JCAD: variants seen among roughly 807,000 people sequenced by gnomAD.
JCAD encodes junctional cadherin 5 associated, also known as junctional cadherin 5-associated protein.
A neutral mutation model predicts 98.0 loss-of-function variants in JCAD; 40 were observed. That is an observed-to-expected ratio of 0.41 (90% CI 0.32 to 0.53). The LOEUF (loss-of-function observed/expected upper bound fraction) is 0.53. Among genes scored for constraint, JCAD ranks in the 20% least tolerant of loss-of-function variants. The pLI is 0.31. For synonymous variants in JCAD, 691 were observed against 682.3 expected (o/e 1.01, Z -0.20); for missense variants, 1,705 against 1,738.1 (o/e 0.98, Z 0.34).
intron 2 of JCAD, chr10:30,044,705 G>C (rs1467856860): frequency 3.0e-6 from 1 of 338,668 alleles, no homozygotes; most frequent in Non-Finnish European, 4.0e-6. Context: ...AATTTAAGCT[G>C]TTAACTATTG....
At position 30,098,195 on chromosome 10, in the gene JCAD, C is replaced by T. The variant is rs1017804599; in HGVS notation, n.128+17172G>A. Among the ~76,000 whole-genome samples, 6 of 152,282 alleles carry T rather than the reference C, an allele frequency of 3.9e-5. No homozygotes were observed. In the East Asian group the frequency reaches 9.7e-4, roughly 24 times the overall value. On this transcript the variant is annotated intron_variant and non_coding_transcript_variant, in intron 1 of 2. Coordinates refer to the JCAD transcript ENST00000465712. ...GTAGCTTTGCCCACAGCTCCTGCCTCAGTTTATATGACTTCTCCTGACTCT... is the reference window on the plus strand; with the variant it reads ...GTAGCTTTGCCCACAGCTCCTGCCTTAGTTTATATGACTTCTCCTGACTCT...
Position 30,028,932 on chromosome 10 carries a change from C to G in JCAD, c.1216G>C (p.Gly406Arg), listed in dbSNP as rs201039842. 447 of 1,613,990 alleles carry G rather than the reference C, an allele frequency of 2.8e-4. 3 individuals are homozygous for G. The African/African-American group carries it at 5.6e-3, about 20-fold the overall frequency. Reference protein sequence around the residue: ...EYGVSPRLPQGLPAHPRPVTA... With the variant: ...EYGVSPRLPQRLPAHPRPVTA... ...ACAGGTCGGGGATGTGCGGGGAGCC[C>G]CTGAGGCAAGCGGGGGCTCACACCA... Residue 406 changes from glycine to arginine, a missense_variant, in exon 3 of 4, where the codon GGG (glycine) becomes CGG (arginine). Physicochemically the swap from Gly to Arg is moderately radical, Grantham distance 125. Coordinates refer to ENST00000375377, the MANE Select transcript of JCAD (RefSeq NM_020848.4).
chr10:30,034,357 C>G (rs1400569556), intron 2 of JCAD, among the ~76,000 whole-genome samples: 1 of 152,130 alleles, frequency 6.6e-6, no homozygotes, highest in Admixed American at 6.5e-5. Flanking sequence ...TATCCAAAAT[C>G]AATCTGAGGT....
At chr10:30,114,950 A>G (rs1838766310) in intron 1 of JCAD, among the ~76,000 whole-genome samples, 1 of 152,200 alleles carries the variant, frequency 6.6e-6, no homozygotes, top group African/African-American at 2.4e-5. Context: ...AGGAAGGAGA[A>G]CCAGTTTAGT....
chr10:30,026,257 C>A lies in JCAD; in HGVS notation c.3891G>T (p.Gly1297=). 1 of 1,613,896 alleles carries A rather than the reference C, an allele frequency of 6.2e-7. No homozygotes were observed. Among genetic ancestry groups the A allele is most frequent in the Non-Finnish European group, 8.5e-7 (1 of 1,180,032 alleles). ...ELKATTRGQA[G]LPGGLVSPGS... ...CAGGAGACACAAGGCCTCCCGGGAG[C>A]CCGGCCTGGCCCCTTGTGGTGGCCT... Residue 1297 remains glycine, a synonymous_variant, in exon 3 of 4, where the codon GGG becomes GGT. Transcript: ENST00000375377.
intron 1 of JCAD, among the ~76,000 whole-genome samples, chr10:30,079,346 CAAAAAAAA>C: frequency 1.5e-5 from 1 of 64,688 alleles, no homozygotes; most frequent in Non-Finnish European, 3.2e-5. Context: ...GACTCCATCT[CAAAAAAAA>C]AAAAAAAAAA....
intron 1 of JCAD, among the ~76,000 whole-genome samples, chr10:30,104,767 T>A (rs1838538911): frequency 6.7e-6 from 1 of 148,894 alleles, no homozygotes; most frequent in African/African-American, 2.5e-5. Context: ...CATATGCTTG[T>A]CAAAAGTTTT....
Position 30,027,893 on chromosome 10 carries a change from C to A in JCAD, c.2255G>T (p.Gly752Val). ...GCTGGATGGGCTGAGGGACCTGTGA[C>A]CTTTCAGGTTACGGGCACTTGGCCT... ...KQRPSARNLK[G>V]HRSLSPSSNS... Residue 752 changes from glycine to valine, a missense_variant, in exon 3 of 4, where the codon GGT (glycine) becomes GTT (valine). Around this residue, in one of 3 missense-constraint regions of JCAD, gnomAD observed 1,278 missense variants for 1,243.1 expected, o/e 1.03. Transcript: ENST00000375377. 6.2e-7 allele frequency: 1 copy of A among 1,614,224 alleles called. No homozygotes were observed. The highest frequency in any genetic ancestry group is 8.5e-7 in the Non-Finnish European group (1 of 1,180,036).
chr10:30,084,788 T>TCTATCTATCTAA (rs1464779515), intron 1 of JCAD, among the ~76,000 whole-genome samples: 1 of 138,878 alleles, frequency 7.2e-6, no homozygotes, highest in Non-Finnish European at 1.5e-5. Context: ...TCTGTATCTA[T>TCTATCTATCTAA]CTATCTATCT....
At chr10:30,049,161 G>A (rs1341443649) in intron 1 of JCAD, among the ~76,000 whole-genome samples, 1 of 152,194 alleles carries the variant, frequency 6.6e-6, no homozygotes, top group Non-Finnish European at 1.5e-5. Flanking sequence ...GGATTGGTCA[G>A]ACGGATACAC....
At chr10:30,052,947 A>C (rs1414328748) in intron 1 of JCAD, among the ~76,000 whole-genome samples, 1 of 152,214 alleles carries the variant, frequency 6.6e-6, no homozygotes. Flanking sequence ...ACAAAACATT[A>C]AGGAACTCAT....
In JCAD at chr10:30,013,895, C is replaced by T. The variant is rs1836479720; in HGVS notation, c.*3988G>A. ...TCTGCAGGAGCCTTGGCTGCCTTCC[C>T]ACACTGCTGATGAACCAAGGACTGT... On this transcript the variant is annotated 3_prime_UTR_variant, in exon 4 of 4. Transcript: ENST00000375377. 1 of 152,252 alleles carries T rather than the reference C, an allele frequency of 6.6e-6. No individual in the cohort carries two copies. The highest frequency in any genetic ancestry group is 2.4e-5 in the African/African-American group (1 of 41,460). The allele number at this position is 152,252 out of a possible 1,614,324, so 9.4% of individuals were successfully genotyped here. A position where few individuals can be genotyped will look rare whatever the true frequency, so the allele number is the denominator to read the frequency against.
intron 1 of JCAD, among the ~76,000 whole-genome samples, chr10:30,088,274 G>A (rs968280127): frequency 6.6e-6 from 1 of 152,178 alleles, no homozygotes; most frequent in African/African-American, 2.4e-5. Context: ...CCCAAAGATA[G>A]GTCATTAGCA....
At chr10:30,038,720 A>AAAAGAG (rs1223724918) in intron 2 of JCAD, among the ~76,000 whole-genome samples, 8 of 151,194 alleles carry the variant, frequency 5.3e-5, no homozygotes, top group South Asian at 2.1e-4. Context: ...GAAAGAAAAG[A>AAAAGAG]AAAGAGAAAG....
rs551537082 is a variant in JCAD, at chr10:30,013,202, A to C, written c.*4681T>G. ...GTGTGCACCTGTAGTCCCAGCTACT[A>C]AGGAGGTTGAGGTGGGGATAGTGCT... On this transcript the variant is annotated 3_prime_UTR_variant, in exon 4 of 4. Transcript: ENST00000375377. The C allele has an allele frequency of 1.3e-5, 2 of 152,404 alleles. No homozygotes were observed. Among genetic ancestry groups the C allele is most frequent in the South Asian group, 4.1e-4 (2 of 4,824 alleles). The allele number at this position is 152,404 out of a possible 1,614,324, so 9.4% of individuals were successfully genotyped here. A position where few individuals can be genotyped will look rare whatever the true frequency, so the allele number is the denominator to read the frequency against.
chr10:30,060,176 C>T (rs1837673732), upstream of JCAD, among the ~76,000 whole-genome samples: 1 of 152,004 alleles, frequency 6.6e-6, no homozygotes, highest in Admixed American at 6.6e-5. Context: ...GAGCAGAAAA[C>T]AGTGATGGTG....
At chr10:30,055,523 G>GTC (rs1837553155) in intron 1 of JCAD, among the ~76,000 whole-genome samples, 1 of 152,120 alleles carries the variant, frequency 6.6e-6, no homozygotes, top group Admixed American at 6.6e-5. Flanking sequence ...TCCCTTTCCA[G>GTC]TCTTAATTAT....
In JCAD at chr10:30,015,785, C is replaced by T. The variant is rs531164606; in HGVS notation, c.*2098G>A. 28 of 152,198 alleles carry T rather than the reference C, an allele frequency of 1.8e-4. No individual in the cohort carries two copies. The highest frequency in any genetic ancestry group is 4.2e-4 in the South Asian group (2 of 4,810). 9.4% of individuals were successfully genotyped at this position (152,198 alleles called of 1,614,324 possible). A position where few individuals can be genotyped will look rare whatever the true frequency, so the allele number is the denominator to read the frequency against. On this transcript the variant is annotated 3_prime_UTR_variant, in exon 4 of 4. Coordinates refer to ENST00000375377, the MANE Select transcript of JCAD (RefSeq NM_020848.4). ...GTATGGGTATGTGTGCATACATGTA[C>T]GAGTATACATGTGCACGTATATAAA...
Position 30,028,692 on chromosome 10 carries a change from C to A in JCAD, c.1456G>T (p.Asp486Tyr). Residue 486 changes from aspartate (D) to tyrosine (Y), a missense_variant, in exon 3 of 4, where the codon GAT becomes TAT. By Grantham distance (160) the Asp-to-Tyr change is radical. Around this residue, in one of 3 missense-constraint regions of JCAD, gnomAD observed 1,278 missense variants for 1,243.1 expected, o/e 1.03. Transcript: ENST00000375377. ...NPQSLIPPSG[D>Y]ERGLVLADSS... ...TCGGCCAAGACCAGGCCTCTCTCATCCCCCGACGGGGGTATTAAGCTCTGT... is the reference window on the plus strand; with the variant it reads ...TCGGCCAAGACCAGGCCTCTCTCATACCCCGACGGGGGTATTAAGCTCTGT... 1 of 1,608,758 alleles carries A rather than the reference C, an allele frequency of 6.2e-7. No homozygotes were observed. Among genetic ancestry groups the A allele is most frequent in the East Asian group, 2.2e-5 (1 of 44,830 alleles).
Sources: gnomAD v4.1 joint callset for allele counts (sites outside exome capture counted in the v4.1 genomes callset) on GRCh38, gnomAD v4.1.1 for gene constraint, gnomAD v4.1.1 regional missense constraint, MANE v1.5 for transcripts, NCBI Gene and HGNC (gene_info 2026-07-23, HGNC 2026-07-21) for gene names.